The following SLIT1 variants were observed in gnomAD, a reference collection of about 807,000 sequenced individuals.
SLIT1 encodes slit guidance ligand 1.
SLIT1 carries 66 observed loss-of-function variants against 186.1 expected under a neutral mutation model. That is an observed-to-expected ratio of 0.35 (90% CI 0.29 to 0.44). The LOEUF is 0.44. Among genes scored for constraint, SLIT1 ranks in the 20% least tolerant of loss-of-function variants. The pLI is 1.00. For missense variants in SLIT1, 1,638 were observed against 2,037.4 expected (o/e 0.80, Z 3.77); for synonymous variants, 761 against 833.8 (o/e 0.91, Z 1.50).
rs1005005765 is a variant in SLIT1 at position 97,046,853 on chromosome 10, C to T, written c.1710-56G>A. 65 of 1,595,984 alleles carry T rather than the reference C, an allele frequency of 4.1e-5. 1 individual carries two copies. In the South Asian group the frequency reaches 7.2e-4, roughly 18 times the overall value. On this transcript the variant is annotated intron_variant, in intron 17 of 36. Coordinates refer to ENST00000266058, the MANE Select transcript of SLIT1 (RefSeq NM_003061.3). ...ATGGCCAGCAGCCAGGAGCTCAGGC[C>T]CCTCCCTTCCTGCAGGCAACACCCC...
intron 13 of SLIT1, among the ~76,000 whole-genome samples, chr10:97,051,647 T>A (rs1848787882): frequency 6.6e-6 from 1 of 151,968 alleles, no homozygotes; most frequent in Non-Finnish European, 1.5e-5. Context: ...CCGTCTCTAC[T>A]AAAAATACAA....
intron 22 of SLIT1, 51 bp from the exon 23 acceptor site, chr10:97,034,593 C>T (rs1848621948): frequency 6.7e-7 from 1 of 1,498,168 alleles, no homozygotes; most frequent in African/African-American, 1.4e-5. Flanking sequence ...TCAGCCCTGG[C>T]TCACATTCAC....
At chr10:97,094,733 G>A (rs113931451) in intron 4 of SLIT1, among the ~76,000 whole-genome samples, 43 of 152,226 alleles carry the variant, frequency 2.8e-4, no homozygotes, top group African/African-American at 7.9e-4. Context: ...GTAAGAAGTC[G>A]GGGAATGCAT....
chr10:97,090,186 A>T (rs1052773393), intron 4 of SLIT1, among the ~76,000 whole-genome samples: 1 of 152,180 alleles, frequency 6.6e-6, no homozygotes, highest in Non-Finnish European at 1.5e-5. Context: ...ACATGATTTC[A>T]GAGATGGAGG....
intron 13 of SLIT1, among the ~76,000 whole-genome samples, chr10:97,052,409 C>T (rs2805590): frequency 0.46 from 69,810 of 152,040 alleles, 19,846 homozygotes; most frequent in East Asian, 0.74. Context: ...CTGTATGATT[C>T]CATTTTTATG....
In SLIT1 at chr10:97,042,944, A is replaced by C. The variant is rs1272223734; in HGVS notation, c.2121T>G (p.Ile707Met). The stretch of plus-strand genomic sequence containing the variant: ...CAGGGAAGGCCACGTCCTGCAGGGG[A>C]ATCTGCCGCAAAAAGTCAGGGTTCT... ...RCQNPDFLRQ[I>M]PLQDVAFPDF... The change falls in exon 20 of 37, where the codon ATT (isoleucine) becomes ATG (methionine). Residue 707 changes from isoleucine to methionine, a missense_variant. Ile to Met is a conservative substitution (Grantham distance 10). Coordinates refer to ENST00000266058, the MANE Select transcript of SLIT1 (RefSeq NM_003061.3). 1 of 1,614,088 alleles carries C rather than the reference A, an allele frequency of 6.2e-7. No homozygotes were observed. The highest frequency in any genetic ancestry group is 8.5e-7 in the Non-Finnish European group (1 of 1,180,048).
intron 1 of SLIT1, among the ~76,000 whole-genome samples, chr10:97,166,552 A>G (rs1377131816): frequency 1.8e-5 from 1 of 55,956 alleles, no homozygotes; most frequent in Non-Finnish European, 3.8e-5. Context: ...GGAAGGAAGG[A>G]AGGAAAGAGA....
intron 25 of SLIT1, among the ~76,000 whole-genome samples, chr10:97,029,757 A>G (rs953234239): frequency 1.3e-5 from 2 of 152,202 alleles, no homozygotes; most frequent in Non-Finnish European, 2.9e-5. Context: ...ACCCCAAAAG[A>G]ACTCTGTGCT....
chr10:97,164,223 C>T (rs1214969384), intron 2 of SLIT1, among the ~76,000 whole-genome samples: 1 of 152,240 alleles, frequency 6.6e-6, no homozygotes, highest in Admixed American at 6.5e-5. Flanking sequence ...TCCCTCTCCA[C>T]CCGCAAGCAG....
chr10:97,005,538 C>T (rs1057393709), intron 32 of SLIT1, among the ~76,000 whole-genome samples: 1 of 152,200 alleles, frequency 6.6e-6, no homozygotes, highest in East Asian at 1.9e-4. Context: ...ATGTGACTAA[C>T]GCCAGGCCAA....
intron 1 of SLIT1, among the ~76,000 whole-genome samples, chr10:97,170,994 GT>G (rs1850180420): frequency 6.6e-6 from 1 of 152,060 alleles, no homozygotes; most frequent in African/African-American, 2.4e-5. Context: ...GGACTAGAAC[GT>G]TCCTTCCTCA....
At chr10:97,107,193 C>A (rs1849422806) in intron 4 of SLIT1, among the ~76,000 whole-genome samples, 1 of 152,208 alleles carries the variant, frequency 6.6e-6, no homozygotes, top group Non-Finnish European at 1.5e-5. Context: ...AGGGAAGTAC[C>A]CCAGCTGCAG....
chr10:97,046,902 G>A (rs777784041), intron 17 of SLIT1, 89 bp downstream of exon 17: 53 of 1,561,784 alleles, frequency 3.4e-5, no homozygotes, highest in South Asian at 4.5e-5. Context: ...CTGGCCCCCC[G>A]CCGTGGGAGC....
chr10:97,075,561 C>A (rs1042879862), intron 4 of SLIT1, among the ~76,000 whole-genome samples: 3 of 152,228 alleles, frequency 2.0e-5, no homozygotes, highest in African/African-American at 7.2e-5. Flanking sequence ...GGATTACATG[C>A]TGTGTGTGTC....
At chr10:97,042,741 G>A (rs1848700295) in intron 20 of SLIT1, among the ~76,000 whole-genome samples, 160 bp downstream of exon 20, 4 of 152,068 alleles carry the variant, frequency 2.6e-5, no homozygotes, top group African/African-American at 4.8e-5. Flanking sequence ...AGGCAGGCGC[G>A]TCTCCTCCTG....
chr10:97,083,807 A>AG (rs1223919884), intron 4 of SLIT1, among the ~76,000 whole-genome samples: 10 of 152,268 alleles, frequency 6.6e-5, no homozygotes, highest in South Asian at 2.1e-4. Flanking sequence ...TTGTGGTGAG[A>AG]GGCTTCGTTC....
chr10:97,006,831 A>G lies in SLIT1; in HGVS notation c.3342-111T>C, dbSNP rs986391199. 1.4e-6 allele frequency: 1 copy of G among 737,190 alleles called. No homozygotes were observed. Among genetic ancestry groups the G allele is most frequent in the African/African-American group, 1.8e-5 (1 of 56,942 alleles). The allele number at this position is 737,190 out of a possible 1,614,324, so 45.7% of individuals were successfully genotyped here. A position where few individuals can be genotyped will look rare whatever the true frequency, so the allele number is the denominator to read the frequency against. On this transcript the variant is annotated intron_variant, in intron 31 of 36. Coordinates refer to ENST00000266058, the MANE Select transcript of SLIT1 (RefSeq NM_003061.3). The surrounding 1 kb of genome is among the most constrained non-coding windows in gnomAD (Gnocchi z 4.0). ...ACATCTTGGGAAAATGGATTCTTAA[A>G]GCGACAGAAGATGCTCCTAATAAAC...
chr10:97,180,130 AGGGTTCCCAGCGGCT>A (rs1564696645), intron 1 of SLIT1, among the ~76,000 whole-genome samples: 1 of 152,178 alleles, frequency 6.6e-6, no homozygotes, highest in Non-Finnish European at 1.5e-5. Context: ...CTTGTGCTCC[AGGGTTCCCAGCGGCT>A]GCCTGATGGC....
In SLIT1 at chr10:97,137,477, A is replaced by G. The variant is rs4919072; in HGVS notation, c.413+20341T>C. ...TTTTATTTTGTTCCCCATATTTTCT[A>G]CTGTTAGAGGGACTCTGACTTAACT... On this transcript the variant is annotated intron_variant, in intron 4 of 36. Transcript: ENST00000266058. Among the ~76,000 whole-genome samples the G allele has an allele frequency of 6.5e-3, 994 of 152,318 alleles. 26 individuals are homozygous for G. The highest frequency in any genetic ancestry group is 0.051 in the East Asian group (264 of 5,186).
Sources: allele counts gnomAD v4.1 joint callset (sites outside exome capture counted in the v4.1 genomes callset), GRCh38; gene constraint gnomAD v4.1.1; non-coding constraint Gnocchi (gnomAD v3.1); transcripts MANE v1.5; gene names NCBI Gene and HGNC (gene_info 2026-07-23, HGNC 2026-07-21).